DNAH3: variants seen among roughly 807,000 people sequenced by gnomAD.
DNAH3 encodes the protein dynein axonemal heavy chain 3.
A neutral mutation model predicts 432.5 loss-of-function variants in DNAH3; 332 were observed. That is an observed-to-expected ratio of 0.77 (90% CI 0.70 to 0.84). The LOEUF is 0.84. DNAH3 is among the 40% of genes least tolerant of loss of function. DNAH3 has a pLI of 0.00. For missense variants in DNAH3, 4,861 were observed against 5,114.0 expected, an observed-to-expected ratio of 0.95 and a Z score of 1.51; for synonymous variants, 1,956 against 1,900.2, an observed-to-expected ratio of 1.03 and a Z score of -0.76.
chr16:21,071,347 A>AT (rs35116457), intron 21 of DNAH3, among the ~76,000 whole-genome samples: 3 of 147,774 alleles, frequency 2.0e-5, no homozygotes, highest in Non-Finnish European at 3.0e-5. Flanking sequence ...CAGCCTGGAT[A>AT]TTTTTTTTAA....
intron 18 of DNAH3, 120 bp from the exon 19 acceptor site, chr16:21,087,180 C>T: frequency 2.5e-6 from 2 of 807,330 alleles, no homozygotes; most frequent in East Asian, 2.5e-5. Flanking sequence ...CACATACAGG[C>T]TTTGAGGATC....
At chr16:21,039,894 C>T in exon 33 of DNAH3, 1 of 1,613,804 alleles carries the variant, frequency 6.2e-7, no homozygotes, top group Non-Finnish European at 8.5e-7. Flanking sequence ...GGAGATTTCT[C>T]CAATGAGGGC....
Position 21,081,625 on chromosome 16 carries a change from T to C in DNAH3, c.2969+11A>G. The stretch of plus-strand genomic sequence containing the variant: ...CCAAAACCTTATCTGAAGGAGGGGA[T>C]AAGCCCTTACTTTTCAACGAATTTG... On this transcript the variant is annotated intron_variant, in intron 20 of 61. Transcript: ENST00000261383. 4 of 1,610,956 alleles carry C rather than the reference T, an allele frequency of 2.5e-6. No homozygotes were observed. Among genetic ancestry groups the C allele is most frequent in the Non-Finnish European group, 3.4e-6 (4 of 1,177,382 alleles).
At chr16:21,141,251 T>C (rs370372157) in intron 4 of DNAH3, 49 bp downstream of exon 5, 11 of 1,318,320 alleles carry the variant, frequency 8.3e-6, no homozygotes, top group South Asian at 1.3e-5. Context: ...CACATCCTTC[T>C]GTTCAGCCCA....
At chr16:21,107,691 A>G (rs2091979412) in intron 14 of DNAH3, among the ~76,000 whole-genome samples, 1 of 152,248 alleles carries the variant, frequency 6.6e-6, no homozygotes, top group Non-Finnish European at 1.5e-5. Context: ...TATTATACAG[A>G]TAATTTGAAT....
chr16:20,963,651 A>G, exon 53 of DNAH3: 3 of 1,614,012 alleles, frequency 1.9e-6, no homozygotes, highest in Non-Finnish European at 1.7e-6. Flanking sequence ...GCCATTGGGG[A>G]GCTGGATTGG....
At chr16:20,990,292 A>G (rs771194012) in intron 44 of DNAH3, among the ~76,000 whole-genome samples, 5 of 152,208 alleles carry the variant, frequency 3.3e-5, no homozygotes, top group Admixed American at 6.5e-5. Context: ...TCTATCATCT[A>G]TCATCTTTCT....
chr16:21,095,146 CA>C (rs1469363658), intron 18 of DNAH3, among the ~76,000 whole-genome samples: 1 of 152,166 alleles, frequency 6.6e-6, no homozygotes. Flanking sequence ...CTGTGGAAAA[CA>C]AAAGTTTGGC....
In DNAH3 at chr16:20,988,092, C is replaced by T. The variant is rs76493133; in HGVS notation, c.6602-27G>A. The stretch of plus-strand genomic sequence containing the variant: ...TGGGGAATACAACACACAAGTGAAT[C>T]ATCCTGGAAAACACATATTCTCACA... On this transcript the variant is annotated intron_variant, in intron 44 of 61. Transcript: ENST00000261383. The T allele has an allele frequency of 4.0e-4, 638 of 1,612,398 alleles. 3 individuals carry two copies. In the African/African-American group the frequency reaches 7.0e-3, roughly 18 times the overall value.
chr16:20,951,712 G>A (rs535255543), intron 56 of DNAH3, among the ~76,000 whole-genome samples: 4 of 149,974 alleles, frequency 2.7e-5, no homozygotes, highest in East Asian at 3.9e-4. Flanking sequence ...TGGGATTACA[G>A]GCATGATCCA....
Position 21,043,027 on chromosome 16 carries a change from T to A in DNAH3, c.4462-824A>T, listed in dbSNP as rs1305568076. Among the ~76,000 whole-genome samples, 4 of 152,342 alleles carry A rather than the reference T, an allele frequency of 2.6e-5. No individual in the cohort carries two copies. In the East Asian group the frequency reaches 7.7e-4, roughly 29 times the overall value. ...CATCATTTTTTATGGCTGCATAGTA[T>A]TCCATGGTGCATATGTGCCACATTT... On this transcript the variant is annotated intron_variant, in intron 31 of 61. Coordinates refer to ENST00000261383, the Ensembl canonical transcript of DNAH3.
At chr16:21,106,109 G>A (rs1325491464) in intron 15 of DNAH3, among the ~76,000 whole-genome samples, 1 of 151,254 alleles carries the variant, frequency 6.6e-6, no homozygotes, top group Non-Finnish European at 1.5e-5. Flanking sequence ...GAACCCAGGA[G>A]GCGGAAGTTA....
intron 52 of DNAH3, among the ~76,000 whole-genome samples, chr16:20,968,795 C>T (rs1450400986): frequency 6.6e-6 from 1 of 151,936 alleles, no homozygotes; most frequent in East Asian, 1.9e-4. Context: ...CACCCCTCCC[C>T]CAACTCCTCT....
chr16:20,987,225 G>C, intron 47 of DNAH3, 80 bp downstream of exon 47: 4 of 1,556,558 alleles, frequency 2.6e-6, no homozygotes, highest in Non-Finnish European at 3.5e-6. Context: ...CCAACAGGAA[G>C]GGAACCTGAA....
intron 16 of DNAH3, among the ~76,000 whole-genome samples, chr16:21,101,696 G>A (rs1308408195): frequency 6.6e-6 from 1 of 152,168 alleles, no homozygotes; most frequent in Non-Finnish European, 1.5e-5. Flanking sequence ...CCCAGGCTGG[G>A]GACAATGGAA....
At chr16:21,153,170 C>G (rs1223276710) in intron 1 of DNAH3, among the ~76,000 whole-genome samples, 1 of 152,198 alleles carries the variant, frequency 6.6e-6, no homozygotes, top group African/African-American at 2.4e-5. Flanking sequence ...AATCGACACT[C>G]TGTATCTAGC....
chr16:21,022,628 A>AG (rs2088303011), intron 39 of DNAH3, among the ~76,000 whole-genome samples: 1 of 152,030 alleles, frequency 6.6e-6, no homozygotes. Context: ...TCTTGCCTCT[A>AG]GTGTCTGTTC....
exon 2 of DNAH3, chr16:21,146,072 G>C (rs767676103): frequency 3.1e-6 from 5 of 1,613,372 alleles, no homozygotes; most frequent in South Asian, 1.1e-5. Context: ...GTGATGTATG[G>C]AGTCACTTTT....
At chr16:21,016,053 T>A (rs1252461755) in intron 41 of DNAH3, among the ~76,000 whole-genome samples, 1 of 152,086 alleles carries the variant, frequency 6.6e-6, no homozygotes, top group Non-Finnish European at 1.5e-5. Context: ...CCTCCCAAAG[T>A]GCTGGGATTA....
Sources: allele counts gnomAD v4.1 joint callset (sites outside exome capture counted in the v4.1 genomes callset), GRCh38; gene constraint gnomAD v4.1.1; transcripts MANE v1.5; gene names NCBI Gene and HGNC (gene_info 2026-07-23, HGNC 2026-07-21).